Variants in ARHGEF10L observed in about 807,000 individuals in gnomAD.
ARHGEF10L encodes rho guanine nucleotide exchange factor 10-like protein.
ARHGEF10L carries 69 observed loss-of-function variants against 141.2 expected under a neutral mutation model. The ratio of observed to expected loss-of-function variants is 0.49; its 90% CI spans 0.40 to 0.60. The LOEUF (loss-of-function observed/expected upper bound fraction) is 0.60. ARHGEF10L is among the 20% of genes least tolerant of loss of function. The probability of loss-of-function intolerance (pLI) is 0.00; values close to 1 mark genes in which losing one functional copy is unlikely to be tolerated. For missense variants in ARHGEF10L, 1,482 were observed against 1,734.3 expected (o/e 0.85, Z 2.58); for synonymous variants, 711 against 718.5 (o/e 0.99, Z 0.17).
chr1:17,603,626 G>T lies in ARHGEF10L; in HGVS notation c.433+35G>T. The T allele has an allele frequency of 1.3e-6, 2 of 1,559,366 alleles. No homozygotes were observed. Among genetic ancestry groups the T allele is most frequent in the East Asian group, 2.4e-5 (1 of 41,840 alleles). On this transcript the variant is annotated intron_variant, in intron 6 of 28. Transcript: ENST00000361221. This position sits in a 1 kb window ranked among gnomAD's most constrained non-coding sequence, Gnocchi z 4.8. ...CTGCAGTGCTTCCCTGTTTCTCTTG[G>T]GGACAGGGGAGGGAGGCTGGGACTG... is the stretch of plus-strand genomic sequence containing the variant.
At chr1:17,528,498 G>A in the ARHGEF10L span, among the ~76,000 whole-genome samples, 9 of 152,060 alleles carry the variant, frequency 5.9e-5, no homozygotes, top group East Asian at 7.7e-4. Flanking sequence ...GGCATGAACC[G>A]CTGTGCTCGG....
intron 26 of ARHGEF10L, among the ~76,000 whole-genome samples, chr1:17,682,343 G>A (rs2064188545): frequency 6.6e-6 from 1 of 152,090 alleles, no homozygotes; most frequent in South Asian, 2.1e-4. Context: ...GCAAACCCTG[G>A]TTCCCAATAA....
At chr1:17,562,712 G>A (rs1044561746) in intron 1 of ARHGEF10L, among the ~76,000 whole-genome samples, 1 of 152,196 alleles carries the variant, frequency 6.6e-6, no homozygotes, top group Non-Finnish European at 1.5e-5. Flanking sequence ...CTAGTCCCTG[G>A]TTGTGAGCTG....
chr1:17,674,304 A>T (rs2063505556), intron 26 of ARHGEF10L, among the ~76,000 whole-genome samples: 1 of 152,148 alleles, frequency 6.6e-6, no homozygotes, highest in Non-Finnish European at 1.5e-5. Context: ...GGGGCTGCTG[A>T]CCACAGGTGA....
At chr1:17,584,699 CGAAG>C (rs1378041109) in intron 2 of ARHGEF10L, among the ~76,000 whole-genome samples, 1 of 152,166 alleles carries the variant, frequency 6.6e-6, no homozygotes, top group Non-Finnish European at 1.5e-5. Flanking sequence ...AGAAGATACT[CGAAG>C]GAAGAACGTG....
intron 26 of ARHGEF10L, among the ~76,000 whole-genome samples, chr1:17,667,966 C>T (rs567520187): frequency 6.6e-6 from 1 of 152,186 alleles, no homozygotes; most frequent in African/African-American, 2.4e-5. Flanking sequence ...CAGACGGGAC[C>T]GTAGCTGTGC....
intron 15 of ARHGEF10L, among the ~76,000 whole-genome samples, chr1:17,629,242 G>T (rs983370281): frequency 2.6e-5 from 4 of 151,438 alleles, no homozygotes; most frequent in Non-Finnish European, 5.9e-5. Flanking sequence ...GCCCAGGCTG[G>T]TCTCAAACTC....
At chr1:17,678,481 G>A (rs562700612) in intron 26 of ARHGEF10L, among the ~76,000 whole-genome samples, 32 of 149,292 alleles carry the variant, frequency 2.1e-4, no homozygotes, top group South Asian at 4.2e-4. Context: ...GTGCAATGGC[G>A]TGATCTCGGC....
At position 17,697,528 on chromosome 1, in the gene ARHGEF10L, T is replaced by TA. The variant is rs2065597147; in HGVS notation, c.*155dup. ...CAGAGCAAAGGAAAACCTCTTGTTT[T>TA]AAAAAAATTTTTTTCAGAGTGTTTT... On this transcript the variant is annotated 3_prime_UTR_variant, in exon 29 of 29. Coordinates refer to ENST00000361221, the MANE Select transcript of ARHGEF10L (RefSeq NM_018125.4). This position sits in a 1 kb window ranked among gnomAD's most constrained non-coding sequence, Gnocchi z 4.8. The TA allele has an allele frequency of 1.7e-6, 2 of 1,168,038 alleles. No homozygotes were observed. The highest frequency in any genetic ancestry group is 1.6e-5 in the African/African-American group (1 of 64,294). 72.4% of individuals were successfully genotyped at this position (1,168,038 alleles called of 1,614,324 possible).
chr1:17,642,472 A>T (rs2061380328), intron 21 of ARHGEF10L, among the ~76,000 whole-genome samples: 1 of 152,138 alleles, frequency 6.6e-6, no homozygotes, highest in Non-Finnish European at 1.5e-5. Flanking sequence ...GCATTATAGC[A>T]TTGAGAGCTG....
At chr1:17,587,168 C>T (rs12031077) in intron 2 of ARHGEF10L, among the ~76,000 whole-genome samples, 8,080 of 152,238 alleles carry the variant, frequency 0.053, 304 homozygotes, top group East Asian at 0.22. Flanking sequence ...CAGGGAAACA[C>T]GAAATAAGAA....
At position 17,596,369 on chromosome 1, in the gene ARHGEF10L, C is replaced by T. The variant is rs150103119; in HGVS notation, c.258-5758C>T. ...TGCTGGGAGGAGTTTCCGAGGCGGG[C>T]GGTGACACTGTGTGGGGCTGTCCTA... On this transcript the variant is annotated intron_variant, in intron 4 of 28. Transcript: ENST00000361221. 2.6e-4 allele frequency among the ~76,000 whole-genome samples: 39 copies of T among 152,298 alleles called. 1 individual carries two copies. In the East Asian group the frequency reaches 6.4e-3, roughly 25 times the overall value.
rs750087513 is a variant in ARHGEF10L at position 17,607,853 on chromosome 1, G to A, written c.485G>A (p.Arg162Gln). ...GATGCGCACCGGGCTGGGGCCCCTC[G>A]GCAGGCGGAGGACCTAGGCTGGAGC... ...YEDAHRAGAP[R>Q]QAEDLGWSSS... The change falls in exon 7 of 29, where the codon CGG becomes CAG. Residue 162 changes from arginine to glutamine, a missense_variant. Arg to Gln is a conservative substitution (Grantham distance 43). Transcript: ENST00000361221. This position sits in a 1 kb window ranked among gnomAD's most constrained non-coding sequence, Gnocchi z 4.5. 4.0e-5 allele frequency: 63 copies of A among 1,589,256 alleles called. 1 individual carries two copies. In the South Asian group the frequency reaches 4.9e-4, roughly 12 times the overall value.
chr1:17,655,808 A>G, intron 23 of ARHGEF10L, 71 bp from the exon 24 acceptor site: 1 of 1,390,576 alleles, frequency 7.2e-7, no homozygotes, highest in African/African-American at 1.4e-5. Flanking sequence ...TTGGGAAAGC[A>G]GGGGCTGAGG....
chr1:17,680,392 C>T (rs1239450818), intron 26 of ARHGEF10L, among the ~76,000 whole-genome samples: 1 of 152,210 alleles, frequency 6.6e-6, no homozygotes, highest in South Asian at 2.1e-4. Flanking sequence ...TGCACAGAAG[C>T]GTCACCTGGA....
chr1:17,581,295 G>C (rs925308325), intron 2 of ARHGEF10L, among the ~76,000 whole-genome samples: 3 of 97,002 alleles, frequency 3.1e-5, no homozygotes, highest in African/African-American at 1.2e-4. Flanking sequence ...CTGGGTGACA[G>C]AGCAAGACTG....
At chr1:17,622,484 G>T (rs1245030076) in intron 11 of ARHGEF10L, among the ~76,000 whole-genome samples, 1 of 152,136 alleles carries the variant, frequency 6.6e-6, no homozygotes, top group Non-Finnish European at 1.5e-5. Flanking sequence ...GCGGTTGTGG[G>T]CTACCAGAGT....
At chr1:17,535,910 C>T (rs545924152), upstream of ARHGEF10L, among the ~76,000 whole-genome samples, 9 of 152,286 alleles carry the variant, frequency 5.9e-5, no homozygotes, top group East Asian at 1.9e-4. Flanking sequence ...GTCCAGCCTC[C>T]GTGGACTCAC....
rs1465162640 is a variant in ARHGEF10L, at chr1:17,697,487, C to A, written c.*107C>A. ...GGACTTGTGGATGGGCCTGGACTCT[C>A]CAGAAACTACTTGGGCAGAGCAAAG... On this transcript the variant is annotated 3_prime_UTR_variant, in exon 29 of 29. Transcript: ENST00000361221. This position sits in a 1 kb window ranked among gnomAD's most constrained non-coding sequence, Gnocchi z 4.8. 1 of 1,347,070 alleles carries A rather than the reference C, an allele frequency of 7.4e-7. No individual in the cohort carries two copies. Among genetic ancestry groups the A allele is most frequent in the South Asian group, 1.5e-5 (1 of 67,028 alleles). The allele number at this position is 1,347,070 out of a possible 1,614,324, so 83.4% of individuals were successfully genotyped here.
Sources: gnomAD v4.1 joint callset for allele counts (sites outside exome capture counted in the v4.1 genomes callset) on GRCh38, gnomAD v4.1.1 for gene constraint, Gnocchi (gnomAD v3.1) non-coding constraint, MANE v1.5 for transcripts, NCBI Gene and HGNC (gene_info 2026-07-23, HGNC 2026-07-21) for gene names.